STK11IP: variants seen among roughly 807,000 people sequenced by gnomAD.
STK11IP encodes serine/threonine-protein kinase 11-interacting protein.
Under a neutral mutation model 131.7 loss-of-function variants are expected in STK11IP, and 103 were observed. That is an observed-to-expected ratio of 0.78 (90% CI 0.67 to 0.92). The LOEUF (loss-of-function observed/expected upper bound fraction) is 0.92, where lower values mean the gene tolerates loss of function less well. Ranked by LOEUF, STK11IP falls within the 40% of genes least tolerant of loss-of-function variation. The probability of loss-of-function intolerance (pLI) is 0.00; values close to 1 mark genes in which losing one functional copy is unlikely to be tolerated. For missense variants in STK11IP, 1,315 were observed against 1,385.7 expected (o/e 0.95, Z 0.81); for synonymous variants, 557 against 575.6 (o/e 0.97, Z 0.46).
In STK11IP at chr2:219,605,687, C is replaced by T; in HGVS notation, c.698C>T (p.Ala233Val). ...CCAAGAATGGGACCCTCAGGGGCTG[C>T]TCTGGGGGTCCTGATACTGCGAGGC... ...LVPRMGPSGA[A>V]LGVLILRGNE... Residue 233 changes from alanine (A) to valine (V), a missense_variant, in exon 8 of 25, where the codon GCT becomes GTT. Transcript: ENST00000456909. 1 of 1,576,876 alleles carries T rather than the reference C, an allele frequency of 6.3e-7. No individual in the cohort carries two copies. Among genetic ancestry groups the T allele is most frequent in the Non-Finnish European group, 8.6e-7 (1 of 1,161,296 alleles).
At position 219,615,235 on chromosome 2, in the gene STK11IP, C is replaced by T. The variant is rs762837831; in HGVS notation, c.3011C>T (p.Pro1004Leu). The T allele has an allele frequency of 1.9e-5, 30 of 1,594,902 alleles. No individual in the cohort carries two copies. Among genetic ancestry groups the T allele is most frequent in the South Asian group, 7.8e-5 (7 of 89,240 alleles). Residue 1004 changes from proline to leucine, a missense_variant, in exon 24 of 25, where the codon CCG becomes CTG. Coordinates refer to ENST00000456909, the MANE Select transcript of STK11IP (RefSeq NM_052902.4). ...TCTGAGAAGGTGCCTCCCTCGGGGC[C>T]GGGCCCTGCTGTGCGTGTCAGGGAG... ...EASEKVPPSG[P>L]GPAVRVREQQ...
At chr2:219,605,085 C>G (rs1698107840) in intron 7 of STK11IP, among the ~76,000 whole-genome samples, 1 of 152,202 alleles carries the variant, frequency 6.6e-6, no homozygotes, top group Non-Finnish European at 1.5e-5. Flanking sequence ...CCTCTTTGGC[C>G]TCCCAGAGTG....
chr2:219,601,790 G>GGCCT (rs1697994968), intron 4 of STK11IP, 75 bp downstream of exon 4: 1 of 1,502,388 alleles, frequency 6.7e-7, no homozygotes, highest in African/African-American at 1.4e-5. Flanking sequence ...AAAGAGAAGA[G>GGCCT]CCTCTTTGGT....
rs1487562884 is a variant in STK11IP, at chr2:219,602,503, T to C, written c.474T>C (p.Ser158=). ...LLSACGGDFC[S]ALPWLALLSA... Reference sequence around the variant, plus strand: ...CAGCCTGCGGCGGCGACTTCTGCTCTGCCCTCCCTTGGCTGGCTCTGCTTT... The same window carrying C: ...CAGCCTGCGGCGGCGACTTCTGCTCCGCCCTCCCTTGGCTGGCTCTGCTTT... Residue 158 remains serine, a synonymous_variant, in exon 6 of 25, where the codon TCT becomes TCC. Coordinates refer to ENST00000456909, the MANE Select transcript of STK11IP (RefSeq NM_052902.4). 1.2e-6 allele frequency: 2 copies of C among 1,614,024 alleles called. No individual in the cohort carries two copies. The highest frequency in any genetic ancestry group is 1.3e-5 in the African/African-American group (1 of 75,064).
In STK11IP at chr2:219,612,110, C is replaced by T. The variant is rs200368727; in HGVS notation, c.2439+52C>T. 3,733 of 1,508,416 alleles carry T rather than the reference C, an allele frequency of 2.5e-3. 113 individuals are homozygous for T. In the South Asian group the frequency reaches 0.042, roughly 17 times the overall value. 93.4% of individuals were successfully genotyped at this position (1,508,416 alleles called of 1,614,324 possible). A position where few individuals can be genotyped will look rare whatever the true frequency, so the allele number is the denominator to read the frequency against. ...CCCCCAGCTGTCCAGGGTGCCCACT[C>T]GTTTCCATCACAGCCAACTGAGTCA... is the stretch of plus-strand genomic sequence containing the variant. On this transcript the variant is annotated intron_variant, in intron 19 of 24. Coordinates refer to ENST00000456909, the MANE Select transcript of STK11IP (RefSeq NM_052902.4).
At chr2:219,615,659 C>T (rs1698549372) in intron 24 of STK11IP, 8 of 648,302 alleles carry the variant, frequency 1.2e-5, no homozygotes, top group South Asian at 1.2e-4. Context: ...GCCGTTTGGC[C>T]TTTGTGACCA....
At chr2:219,597,998 T>A (rs1362363161) in intron 1 of STK11IP, 75 bp downstream of exon 1, 31 of 1,582,774 alleles carry the variant, frequency 2.0e-5, no homozygotes, top group Non-Finnish European at 2.5e-5. Context: ...CTTTCTCGCC[T>A]TTTTCTCCGC....
Position 219,614,217 on chromosome 2 carries a change from G to C in STK11IP, c.2773G>C (p.Glu925Gln), listed in dbSNP as rs1698500308. ...WRNCVSATEE[E>Q]VTPQHRLWPL... ...GAACTGTGTCAGTGCCACAGAGGAG[G>C]AGGTCACCCCCCAGCACCGGCTCTG... Residue 925 changes from glutamate (E) to glutamine (Q), a missense_variant, in exon 22 of 25, where the codon GAG (glutamate) becomes CAG (glutamine). Coordinates refer to ENST00000456909, the MANE Select transcript of STK11IP (RefSeq NM_052902.4). The C allele has an allele frequency of 8.1e-6, 13 of 1,613,440 alleles. No individual in the cohort carries two copies. The highest frequency in any genetic ancestry group is 1.1e-5 in the Non-Finnish European group (13 of 1,179,760).
At chr2:219,609,247 G>A in intron 16 of STK11IP, 34 bp downstream of exon 16, 1 of 1,577,024 alleles carries the variant, frequency 6.3e-7, no homozygotes, top group Non-Finnish European at 8.6e-7. Context: ...CCAGGAGGCT[G>A]TGGGGATTAA....
chr2:219,616,340 T>A lies in STK11IP; in HGVS notation c.*147T>A. The A allele has an allele frequency of 9.4e-7, 1 of 1,068,350 alleles. No homozygotes were observed. The highest frequency in any genetic ancestry group is 1.3e-6 in the Non-Finnish European group (1 of 762,482). The allele number at this position is 1,068,350 out of a possible 1,614,324, so 66.2% of individuals were successfully genotyped here. On this transcript the variant is annotated 3_prime_UTR_variant, in exon 25 of 25. Transcript: ENST00000456909. ...AGTGAGGTCCCAAATGACCCAGGGCTTAAGGGAGAGGCGAGAGAATGATCT... is the reference window on the plus strand; with the variant it reads ...AGTGAGGTCCCAAATGACCCAGGGCATAAGGGAGAGGCGAGAGAATGATCT...
rs757016355 is a variant in STK11IP at position 219,601,968 on chromosome 2, C to A, written c.343-20C>A. ...CTTCTGTGGGGTTCTGCCTTCCTCC[C>A]TCCTCTTTCCTTGTCCCAGCTCCGA... On this transcript the variant is annotated intron_variant, in intron 4 of 24. Coordinates refer to ENST00000456909, the MANE Select transcript of STK11IP (RefSeq NM_052902.4). 1.2e-5 allele frequency: 19 copies of A among 1,595,894 alleles called. No homozygotes were observed. The highest frequency in any genetic ancestry group is 1.6e-5 in the Non-Finnish European group (19 of 1,169,654).
intron 15 of STK11IP, 131 bp downstream of exon 15, chr2:219,608,919 G>A (rs1335580086): frequency 1.7e-6 from 2 of 1,188,222 alleles, no homozygotes; most frequent in African/African-American, 3.1e-5. Flanking sequence ...AGCCTCAGAG[G>A]TTGCAAGCAC....
Position 219,616,164 on chromosome 2 carries a change from A to T in STK11IP, c.3238A>T (p.Ile1080Phe). The T allele has an allele frequency of 6.2e-7, 1 of 1,613,646 alleles. No homozygotes were observed. The highest frequency in any genetic ancestry group is 8.5e-7 in the Non-Finnish European group (1 of 1,179,860). Residue 1080 changes from isoleucine to phenylalanine, a missense_variant, in exon 25 of 25, where the codon ATC becomes TTC. Ile to Phe is a conservative substitution (Grantham distance 21). Transcript: ENST00000456909. ...ELFSIGLRTV[I>F]QEALALDR ...GTTTTCCATCGGACTCCGGACAGTG[A>T]TCCAAGAGGCGCTGGCCCTTGACCG...
rs747650603 is a variant in STK11IP, at chr2:219,613,214, T to TGGGGAGATGCGGTGAGTGAGA, written c.2537_2537+20dup. 1.9e-6 allele frequency: 3 copies of TGGGGAGATGCGGTGAGTGAGA among 1,565,928 alleles called. No homozygotes were observed. In the South Asian group the frequency reaches 3.3e-5, roughly 17 times the overall value. ...GCAGGCTGTACCTGTTGAAGGTGACTGGGGAGATGCGGTGAGTGAGAGGGG... is the reference window on the plus strand; with the variant it reads ...GCAGGCTGTACCTGTTGAAGGTGACTGGGGAGATGCGGTGAGTGAGAGGGGAGATGCGGTGAGTGAGAGGGG... On this transcript the variant is annotated stop_gained and inframe_insertion, in exon 20 of 25. Coordinates refer to ENST00000456909, the MANE Select transcript of STK11IP (RefSeq NM_052902.4). LOFTEE classifies it high-confidence loss of function.
chr2:219,603,036 G>GTTTT (rs750626798), intron 7 of STK11IP, among the ~76,000 whole-genome samples: 26 of 118,746 alleles, frequency 2.2e-4, no homozygotes, highest in East Asian at 4.8e-4. Context: ...AGAGTACCTG[G>GTTTT]TTTTTTTTTT....
intron 21 of STK11IP, 28 bp downstream of exon 21, chr2:219,613,958 G>T (rs1379481276): frequency 2.0e-6 from 3 of 1,528,126 alleles, no homozygotes; most frequent in South Asian, 1.2e-5. Context: ...AAGGCAGGAG[G>T]GTGGGCAGGA....
In STK11IP at chr2:219,609,353, C is replaced by T. The variant is rs1177832968; in HGVS notation, c.1927-10C>T. 4 of 1,612,972 alleles carry T rather than the reference C, an allele frequency of 2.5e-6. No individual in the cohort carries two copies. The highest frequency in any genetic ancestry group is 3.4e-6 in the Non-Finnish European group (4 of 1,179,448). ...CTGCTCACAGCTGCCTCTGATCCAC[C>T]CTCTGTCAGGAGCTGCTTGCCGTGT... is the stretch of plus-strand genomic sequence containing the variant. On this transcript the variant is annotated splice_polypyrimidine_tract_variant and intron_variant, in intron 16 of 24. Transcript: ENST00000456909.
chr2:219,601,800 TGAG>T (rs1697995427), intron 4 of STK11IP, 85 bp downstream of exon 4: 1 of 1,456,712 alleles, frequency 6.9e-7, no homozygotes, highest in Non-Finnish European at 9.4e-7. Flanking sequence ...GCCTCTTTGG[TGAG>T]GAGGCCAGGC....
At chr2:219,602,641 A>G in intron 6 of STK11IP, 64 bp from the exon 7 acceptor site, 2 of 1,611,662 alleles carry the variant, frequency 1.2e-6, no homozygotes, top group Non-Finnish European at 1.7e-6. Flanking sequence ...GAGGAGGGCC[A>G]GCTGGTTGAC....
Sources: gnomAD v4.1 joint callset for allele counts (sites outside exome capture counted in the v4.1 genomes callset) on GRCh38, gnomAD v4.1.1 for gene constraint, MANE v1.5 for transcripts, NCBI Gene and HGNC (gene_info 2026-07-23, HGNC 2026-07-21) for gene names.